Variants in NOTCH2NLC observed in about 807,000 individuals in gnomAD.
The protein encoded by NOTCH2NLC is notch homolog 2 N-terminal-like protein C.
In NOTCH2NLC, 4 loss-of-function variants were observed where a neutral mutation model predicts 17.7. The observed-to-expected ratio is 0.23, with a 90% CI of 0.11 to 0.52. The LOEUF is 0.52. Among genes scored for constraint, NOTCH2NLC ranks in the 20% least tolerant of loss-of-function variants. The pLI, the probability that NOTCH2NLC is intolerant of heterozygous loss-of-function variation, is 0.96. For synonymous variants in NOTCH2NLC, 18 were observed against 86.0 expected (o/e 0.21, Z 4.38); for missense variants, 57 against 207.2 (o/e 0.28, Z 4.45).
intron 2 of NOTCH2NLC, among the ~76,000 whole-genome samples, chr1:149,437,872 A>T (rs1236442519): frequency 7.7e-6 from 1 of 129,856 alleles, no homozygotes; most frequent in Admixed American, 8.0e-5. Flanking sequence ...ACATTATTGC[A>T]TATTAGGGTC....
At chr1:149,421,526 A>T (rs2084379815) in intron 1 of NOTCH2NLC, among the ~76,000 whole-genome samples, 1 of 144,136 alleles carries the variant, frequency 6.9e-6, no homozygotes, top group African/African-American at 2.6e-5. Context: ...AAAAAGCTTT[A>T]AAAAGGGAGT....
chr1:149,407,215 G>C (rs1156399941), intron 1 of NOTCH2NLC, among the ~76,000 whole-genome samples: 1 of 147,700 alleles, frequency 6.8e-6, no homozygotes, highest in African/African-American at 2.5e-5. Flanking sequence ...GGTTTAAAAT[G>C]TTAGAAGCAG....
intron 1 of NOTCH2NLC, among the ~76,000 whole-genome samples, chr1:149,402,281 A>G (rs1471353580): frequency 4.6e-5 from 7 of 150,608 alleles, no homozygotes; most frequent in African/African-American, 9.7e-5. Context: ...GGGTTTCTCT[A>G]TGTTGGGCAG....
At position 149,470,259 on chromosome 1, in the gene NOTCH2NLC, AAAT is replaced by A. The variant is rs1466901656; in HGVS notation, c.*6114_*6116del. 2.6e-5 allele frequency among the ~76,000 whole-genome samples: 4 copies of A among 151,160 alleles called. No individual in the cohort carries two copies. The highest frequency in any genetic ancestry group is 6.6e-5 in the Admixed American group (1 of 15,136). Reference sequence around the variant, plus strand: ...TAACAAATGCTATAATACCACTGACAAATAATAATATTAGCTAATATGTGTAAG... The same window carrying A: ...TAACAAATGCTATAATACCACTGACAAATAATATTAGCTAATATGTGTAAG... On this transcript the variant is annotated 3_prime_UTR_variant, in exon 5 of 5. Coordinates refer to ENST00000650865, the MANE Select transcript of NOTCH2NLC (RefSeq NM_001364013.2).
At chr1:149,460,917 CTCTCTT>C (rs2084645774) in intron 3 of NOTCH2NLC, among the ~76,000 whole-genome samples, 8 of 122,886 alleles carry the variant, frequency 6.5e-5, no homozygotes, top group Non-Finnish European at 1.0e-4. Context: ...CTTTCTTTCT[CTCTCTT>C]TCTCTCTTTC....
chr1:149,471,285 A>C lies in NOTCH2NLC; in HGVS notation c.*7132A>C, dbSNP rs1313425529. Among the ~76,000 whole-genome samples the C allele has an allele frequency of 2.0e-5, 3 of 150,848 alleles. No homozygotes were observed. Among genetic ancestry groups the C allele is most frequent in the Non-Finnish European group, 4.4e-5 (3 of 67,526 alleles). On this transcript the variant is annotated 3_prime_UTR_variant, in exon 5 of 5. Transcript: ENST00000650865. ...GTCATTCTATGTACTGTCTTTTCAC[A>C]TTCTTGATGATATACTTTTCAGCCC...
intron 1 of NOTCH2NLC, among the ~76,000 whole-genome samples, chr1:149,416,695 A>G (rs1327576061): frequency 6.7e-6 from 1 of 149,106 alleles, no homozygotes; most frequent in Non-Finnish European, 1.5e-5. Flanking sequence ...CAATTTTACA[A>G]AGAAAAAATT....
At chr1:149,443,593 A>G (rs1220865291) in intron 2 of NOTCH2NLC, among the ~76,000 whole-genome samples, 1 of 151,168 alleles carries the variant, frequency 6.6e-6, no homozygotes, top group African/African-American at 2.4e-5. Flanking sequence ...TTGAGACTTA[A>G]TGAAATTTTA....
At chr1:149,392,815 T>G (rs1372698298) in intron 1 of NOTCH2NLC, among the ~76,000 whole-genome samples, 1 of 151,016 alleles carries the variant, frequency 6.6e-6, no homozygotes, top group Non-Finnish European at 1.5e-5. Flanking sequence ...CTCACGCCTG[T>G]AATCCCAGCA....
Position 149,431,015 on chromosome 1 carries a change from A to G in NOTCH2NLC, c.209A>G (p.Lys70Arg). The change falls in exon 2 of 5, where the codon AAA (lysine) becomes AGA (arginine). Residue 70 changes from lysine (K) to arginine (R), a missense_variant and splice_region_variant. By Grantham distance (26) the Lys-to-Arg change is conservative. Transcript: ENST00000650865. ...TACCACAATGGCACAGGATACTGCA[A>G]GTAAGTTTTTCTCTTCATATATTTT... Reference protein sequence around the residue: ...VTYHNGTGYCKCPEGFLGEYC... With the variant: ...VTYHNGTGYCRCPEGFLGEYC... The G allele has an allele frequency of 2.7e-6, 1 of 368,528 alleles. No individual in the cohort carries two copies. The highest frequency in any genetic ancestry group is 4.7e-6 in the Non-Finnish European group (1 of 211,562). The allele number at this position is 368,528 out of a possible 1,614,324, so 22.8% of individuals were successfully genotyped here. A position where few individuals can be genotyped will look rare whatever the true frequency, so the allele number is the denominator to read the frequency against.
At chr1:149,426,513 G>T (rs2084413479) in intron 1 of NOTCH2NLC, among the ~76,000 whole-genome samples, 1 of 122,680 alleles carries the variant, frequency 8.2e-6, no homozygotes, top group South Asian at 3.3e-4. Flanking sequence ...TTGGCTTCTA[G>T]ATTTTTGTAT....
In NOTCH2NLC at chr1:149,464,092, GA is replaced by G. The variant is rs1306186424; in HGVS notation, c.823del (p.Thr275GlnfsTer29). 3.7e-4 allele frequency: 230 copies of G among 617,982 alleles called. 3 individuals are homozygous for G. In the African/African-American group the frequency reaches 4.5e-3, roughly 12 times the overall value. 38.3% of individuals were successfully genotyped at this position (617,982 alleles called of 1,614,324 possible). A position where few individuals can be genotyped will look rare whatever the true frequency, so the allele number is the denominator to read the frequency against. On this transcript the variant is annotated frameshift_variant, in exon 5 of 5. Transcript: ENST00000650865. LOFTEE classifies it high-confidence loss of function. ...CNCLPETVRR[G>X]TELWERDREV... is the part of the protein sequence containing the mutation. Reference sequence around the variant, plus strand: ...CCTTTTGTAGAAACAGTGAGAAGAGGAACAGAGCTCTGGGAAAGAGACAGGG... The same window carrying G: ...CCTTTTGTAGAAACAGTGAGAAGAGGACAGAGCTCTGGGAAAGAGACAGGG...
chr1:149,396,062 T>A (rs1284154275), intron 1 of NOTCH2NLC, among the ~76,000 whole-genome samples: 1 of 151,092 alleles, frequency 6.6e-6, no homozygotes, highest in Non-Finnish European at 1.5e-5. Flanking sequence ...CTATGACTCC[T>A]GCTTTCCCAC....
rs1324595229 is a variant in NOTCH2NLC at position 149,471,366 on chromosome 1, T to G, written c.*7213T>G. Among the ~76,000 whole-genome samples the G allele has an allele frequency of 2.7e-5, 4 of 149,532 alleles. No homozygotes were observed. The highest frequency in any genetic ancestry group is 9.8e-5 in the African/African-American group (4 of 40,700). Reference sequence around the variant, plus strand: ...ATTTTTTCTTTTGTTGCTTGTGCTTTCAGTCATATTTGTGAAAACTTTGCT... The same window carrying G: ...ATTTTTTCTTTTGTTGCTTGTGCTTGCAGTCATATTTGTGAAAACTTTGCT... On this transcript the variant is annotated 3_prime_UTR_variant, in exon 5 of 5. Transcript: ENST00000650865.
rs1341675123 is a variant in NOTCH2NLC at position 149,410,462 on chromosome 1, T to C, written c.135+19540T>C. Among the ~76,000 whole-genome samples, 12 of 144,560 alleles carry C rather than the reference T, an allele frequency of 8.3e-5. No homozygotes were observed. The East Asian group carries it at 2.1e-3, about 26-fold the overall frequency. 94.8% of individuals were successfully genotyped at this position (144,560 alleles called of 152,430 possible). A position where few individuals can be genotyped will look rare whatever the true frequency, so the allele number is the denominator to read the frequency against. ...GTTCTATAGAAATTACTGGGCTCAA[T>C]CTAGTGATACAAATATGTGTTGTTT... On this transcript the variant is annotated intron_variant, in intron 1 of 4. Transcript: ENST00000650865.
chr1:149,431,939 TTTTG>T (rs1451562932), intron 2 of NOTCH2NLC, among the ~76,000 whole-genome samples: 8,024 of 141,908 alleles, frequency 0.057, 155 homozygotes, highest in Middle Eastern at 0.071. Context: ...AGCCAAGACG[TTTTG>T]TTTGTTTGAG....
At chr1:149,429,972 C>G (rs2084436647) in intron 1 of NOTCH2NLC, among the ~76,000 whole-genome samples, 1 of 151,082 alleles carries the variant, frequency 6.6e-6, no homozygotes, top group African/African-American at 2.4e-5. Context: ...TCTTACCTTT[C>G]CAGTTGTTAG....
At chr1:149,413,431 G>A (rs1241125035) in intron 1 of NOTCH2NLC, among the ~76,000 whole-genome samples, 2 of 151,238 alleles carry the variant, frequency 1.3e-5, no homozygotes, top group Non-Finnish European at 3.0e-5. Context: ...CCCAAAGTCT[G>A]CAGATAAAGA....
chr1:149,393,414 T>C (rs1363132359), intron 1 of NOTCH2NLC, among the ~76,000 whole-genome samples: 1 of 150,492 alleles, frequency 6.6e-6, no homozygotes, highest in Non-Finnish European at 1.5e-5. Flanking sequence ...TAATTTATTA[T>C]TGTGTTTTGC....
Sources: allele counts gnomAD v4.1 joint callset (sites outside exome capture counted in the v4.1 genomes callset), GRCh38; gene constraint gnomAD v4.1.1; transcripts MANE v1.5; gene names NCBI Gene and HGNC (gene_info 2026-07-23, HGNC 2026-07-21).